TRABD2B: variants seen among roughly 807,000 people sequenced by gnomAD.
TRABD2B encodes TraB domain containing 2B.
Under a neutral mutation model 40.1 loss-of-function variants are expected in TRABD2B, and 14 were observed. The observed-to-expected ratio is 0.35, with a 90% CI of 0.23 to 0.55. The LOEUF is 0.55. TRABD2B is among the 20% of genes least tolerant of loss of function. TRABD2B has a pLI of 0.90. For missense variants in TRABD2B, 541 were observed against 648.6 expected (o/e 0.83, Z 1.80); for synonymous variants, 263 against 277.0 (o/e 0.95, Z 0.50).
chr1:47,929,441 C>G (rs775968115), intron 2 of TRABD2B, among the ~76,000 whole-genome samples: 3 of 152,190 alleles, frequency 2.0e-5, no homozygotes, highest in Non-Finnish European at 4.4e-5. Context: ...CTGTTAAGCT[C>G]CAGAGCAAGA....
At chr1:47,930,950 C>T (rs900284575) in intron 2 of TRABD2B, among the ~76,000 whole-genome samples, 5 of 152,166 alleles carry the variant, frequency 3.3e-5, no homozygotes, top group African/African-American at 4.8e-5. Context: ...ATGTAAAAAC[C>T]GTGGCCACCT....
intron 2 of TRABD2B, among the ~76,000 whole-genome samples, chr1:47,914,495 A>C (rs1395408347): frequency 6.6e-6 from 1 of 152,228 alleles, no homozygotes; most frequent in East Asian, 1.9e-4. Flanking sequence ...TGCTGGAATG[A>C]ATGGAGTGAG....
chr1:47,885,424 G>C (rs1442413522), intron 2 of TRABD2B, among the ~76,000 whole-genome samples: 1 of 152,184 alleles, frequency 6.6e-6, no homozygotes, highest in Non-Finnish European at 1.5e-5. Flanking sequence ...GAGACAAAGG[G>C]CTGTGTCTGC....
intron 5 of TRABD2B, 122 bp downstream of exon 5, chr1:47,778,332 C>T: frequency 1.4e-6 from 1 of 724,712 alleles, no homozygotes; most frequent in Non-Finnish European, 2.3e-6. Context: ...CCAGCCTTTC[C>T]ATTCTTGCTT....
chr1:47,768,077 G>A (rs984124882), intron 6 of TRABD2B, among the ~76,000 whole-genome samples: 2 of 152,186 alleles, frequency 1.3e-5, no homozygotes, highest in African/African-American at 4.8e-5. Context: ...GTCCTGGCTT[G>A]ACGTATGTCA....
At chr1:47,900,979 T>C (rs578018798) in intron 2 of TRABD2B, among the ~76,000 whole-genome samples, 209 of 152,254 alleles carry the variant, frequency 1.4e-3, no homozygotes, top group African/African-American at 4.7e-3. Context: ...CTTTTATCTA[T>C]CATCAAAACC....
At chr1:47,892,515 G>A (rs957626910) in intron 2 of TRABD2B, among the ~76,000 whole-genome samples, 2 of 152,330 alleles carry the variant, frequency 1.3e-5, no homozygotes, top group African/African-American at 4.8e-5. Context: ...TGAAATGATG[G>A]TCTCCTCGGT....
At chr1:47,769,417 A>G (rs1644350299) in intron 6 of TRABD2B, among the ~76,000 whole-genome samples, 2 of 152,118 alleles carry the variant, frequency 1.3e-5, no homozygotes, top group Non-Finnish European at 2.9e-5. Flanking sequence ...TTTCTTTCAC[A>G]CTTTGAAAAC....
intron 2 of TRABD2B, among the ~76,000 whole-genome samples, chr1:47,809,404 T>C (rs1408252182): frequency 6.6e-6 from 1 of 151,770 alleles, no homozygotes; most frequent in Non-Finnish European, 1.5e-5. Flanking sequence ...GCCAAGTGAG[T>C]CGCCCGTCAC....
intron 3 of TRABD2B, among the ~76,000 whole-genome samples, chr1:47,797,144 A>C (rs1478511294): frequency 6.6e-6 from 1 of 152,254 alleles, no homozygotes; most frequent in Non-Finnish European, 1.5e-5. Flanking sequence ...TGGTCTCTCT[A>C]GAACCAGAAA....
intron 4 of TRABD2B, among the ~76,000 whole-genome samples, chr1:47,788,204 T>C (rs1644622952): frequency 6.6e-6 from 1 of 152,148 alleles, no homozygotes; most frequent in Non-Finnish European, 1.5e-5. Flanking sequence ...TCAAGCAGGA[T>C]GGTGTCCACT....
intron 2 of TRABD2B, among the ~76,000 whole-genome samples, chr1:47,805,743 A>G (rs1365464191): frequency 3.3e-5 from 5 of 152,186 alleles, no homozygotes; most frequent in Non-Finnish European, 7.3e-5. Flanking sequence ...TGTGTCAGGA[A>G]CTTTCTAAAC....
intron 2 of TRABD2B, among the ~76,000 whole-genome samples, chr1:47,848,606 G>C (rs1645504137): frequency 6.6e-6 from 1 of 152,244 alleles, no homozygotes; most frequent in African/African-American, 2.4e-5. Flanking sequence ...GCATCTTCTA[G>C]TTTAAATTCT....
chr1:47,804,895 C>T (rs1473925499), intron 2 of TRABD2B, among the ~76,000 whole-genome samples: 1 of 152,190 alleles, frequency 6.6e-6, no homozygotes, highest in African/African-American at 2.4e-5. Context: ...AAAATGGAAA[C>T]TTCCCTGGTT....
chr1:47,917,191 A>C (rs1489486995), intron 2 of TRABD2B, among the ~76,000 whole-genome samples: 2 of 152,194 alleles, frequency 1.3e-5, no homozygotes, highest in Non-Finnish European at 2.9e-5. Flanking sequence ...AGAGTTCCAC[A>C]GGCCCTGGGC....
At chr1:47,929,819 CTT>C (rs1645016150) in intron 2 of TRABD2B, among the ~76,000 whole-genome samples, 2 of 152,330 alleles carry the variant, frequency 1.3e-5, no homozygotes, top group South Asian at 4.1e-4. Flanking sequence ...TCATCTCCCT[CTT>C]CACCTCCAGG....
intron 2 of TRABD2B, among the ~76,000 whole-genome samples, chr1:47,902,996 G>T (rs1003309186): frequency 1.3e-5 from 2 of 152,028 alleles, no homozygotes; most frequent in Admixed American, 1.3e-4. Flanking sequence ...AGCCCCTTCT[G>T]CCTGGAAAGT....
chr1:47,929,322 C>G (rs1238041271), intron 2 of TRABD2B, among the ~76,000 whole-genome samples: 4 of 152,194 alleles, frequency 2.6e-5, no homozygotes, highest in African/African-American at 9.7e-5. Context: ...CTGGATGTTT[C>G]CTTGAATCCC....
chr1:47,816,421 G>C (rs1645033445), intron 2 of TRABD2B, among the ~76,000 whole-genome samples: 1 of 152,166 alleles, frequency 6.6e-6, no homozygotes, highest in Non-Finnish European at 1.5e-5. Flanking sequence ...TGTCTCTCTG[G>C]ACTCCTCCTG....
Sources: allele counts gnomAD v4.1 joint callset (sites outside exome capture counted in the v4.1 genomes callset), GRCh38; gene constraint gnomAD v4.1.1; transcripts MANE v1.5; gene names NCBI Gene and HGNC (gene_info 2026-07-23, HGNC 2026-07-21).